ZNF621: variants seen among roughly 807,000 people sequenced by gnomAD.
The protein encoded by ZNF621 is zinc finger protein 621.
Under a neutral mutation model 12.7 loss-of-function variants are expected in ZNF621, and 6 were observed. The ratio of observed to expected loss-of-function variants is 0.47; its 90% CI spans 0.26 to 0.93. The LOEUF (loss-of-function observed/expected upper bound fraction) is 0.93. Ranked by LOEUF, ZNF621 falls within the 40% of genes least tolerant of loss-of-function variation. ZNF621 has a pLI of 0.15. For missense variants in ZNF621, 474 were observed against 524.0 expected, an observed-to-expected ratio of 0.90 and a Z score of 0.93; for synonymous variants, 156 against 190.3, an observed-to-expected ratio of 0.82 and a Z score of 1.48.
At position 40,532,112 on chromosome 3, in the gene ZNF621, A is replaced by T; in HGVS notation, c.342A>T (p.Val114=). Residue 114 remains valine, a synonymous_variant, in exon 5 of 5, where the codon GTA becomes GTT. Coordinates refer to ENST00000339296, the MANE Select transcript of ZNF621 (RefSeq NM_198484.5). ...AAACAGAGTTGCACAGAATGCCAGT[A>T]GGAGGACTTCTCAGGAACGTTTCTC... ...SEETELHRMP[V]GGLLRNVSQH... 6.2e-7 allele frequency: 1 copy of T among 1,614,198 alleles called. No homozygotes were observed. Among genetic ancestry groups the T allele is most frequent in the South Asian group, 1.1e-5 (1 of 91,088 alleles).
intron 2 of ZNF621, among the ~76,000 whole-genome samples, chr3:40,527,719 G>A (rs1698619625): frequency 6.6e-6 from 1 of 152,172 alleles, no homozygotes; most frequent in Non-Finnish European, 1.5e-5. Flanking sequence ...TATCAGCACA[G>A]TAAAATGTCA....
chr3:40,533,895 A>C lies in ZNF621; in HGVS notation c.*805A>C, dbSNP rs1048606187. On this transcript the variant is annotated 3_prime_UTR_variant, in exon 5 of 5. Coordinates refer to ENST00000339296, the MANE Select transcript of ZNF621 (RefSeq NM_198484.5). ...CTTGGCACAGATCTTTGAGAATCTCATACATCTGTGAAAAAGATAATGTGA... is the reference window on the plus strand; with the variant it reads ...CTTGGCACAGATCTTTGAGAATCTCCTACATCTGTGAAAAAGATAATGTGA... 2 of 152,596 alleles carry C rather than the reference A, an allele frequency of 1.3e-5. No individual in the cohort carries two copies. The highest frequency in any genetic ancestry group is 4.8e-5 in the African/African-American group (2 of 41,432). The allele number at this position is 152,596 out of a possible 1,614,324, so 9.5% of individuals were successfully genotyped here.
chr3:40,527,933 A>T (rs887876551), intron 2 of ZNF621, among the ~76,000 whole-genome samples: 3 of 152,126 alleles, frequency 2.0e-5, no homozygotes, highest in African/African-American at 7.2e-5. Flanking sequence ...ACCACAAAAC[A>T]CACAACCTTC....
chr3:40,532,866 C>A lies in ZNF621; in HGVS notation c.1096C>A (p.Pro366Thr). Residue 366 changes from proline to threonine, a missense_variant, in exon 5 of 5, where the codon CCT becomes ACT. Coordinates refer to ENST00000339296, the MANE Select transcript of ZNF621 (RefSeq NM_198484.5). ...VSPQCSSPAI[P>T]PVLLQGSCSA... Reference sequence around the variant, plus strand: ...TCCCCAGTGCTCCTCTCCAGCCATACCTCCTGTTCTTCTCCAGGGATCCTG... The same window carrying A: ...TCCCCAGTGCTCCTCTCCAGCCATAACTCCTGTTCTTCTCCAGGGATCCTG... 6.2e-7 allele frequency: 1 copy of A among 1,611,414 alleles called. No homozygotes were observed. The highest frequency in any genetic ancestry group is 8.5e-7 in the Non-Finnish European group (1 of 1,178,632).
rs767409123 is a variant in ZNF621, at chr3:40,538,998, G to A, written c.*5908G>A. On this transcript the variant is annotated 3_prime_UTR_variant, in exon 5 of 5. Coordinates refer to ENST00000339296, the MANE Select transcript of ZNF621 (RefSeq NM_198484.5). ...AATTGCTGCAATCTCATGATAAAAC[G>A]TGAACAAATGAGGAGTTGCTTCTAA... 35 of 152,652 alleles carry A rather than the reference G, an allele frequency of 2.3e-4. No individual in the cohort carries two copies. Among genetic ancestry groups the A allele is most frequent in the Non-Finnish European group, 4.7e-4 (32 of 68,264 alleles). The allele number at this position is 152,652 out of a possible 1,614,324, so 9.5% of individuals were successfully genotyped here.
rs376371090 is a variant in ZNF621, at chr3:40,532,694, G to A, written c.924G>A (p.Gln308=). 2.9e-5 allele frequency: 47 copies of A among 1,614,054 alleles called. No individual in the cohort carries two copies. In the African/African-American group the frequency reaches 5.2e-4, roughly 18 times the overall value. The change falls in exon 5 of 5, where the codon CAG becomes CAA. Residue 308 remains glutamine, a synonymous_variant. Transcript: ENST00000339296. Reference sequence around the variant, plus strand: ...TCACCCAGAAAATAGCCTCCATTCAGCATCAGAGAGTTCACACTGGGGAGA... The same window carrying A: ...TCACCCAGAAAATAGCCTCCATTCAACATCAGAGAGTTCACACTGGGGAGA... ...KAFTQKIASI[Q]HQRVHTGEKP...
At chr3:40,523,874 A>T (rs888988537), upstream of ZNF621, among the ~76,000 whole-genome samples, 1 of 151,928 alleles carries the variant, frequency 6.6e-6, no homozygotes, top group Admixed American at 6.5e-5. Flanking sequence ...GGAAGGGCAC[A>T]GTAGTGAGGT....
upstream of ZNF621, among the ~76,000 whole-genome samples, chr3:40,524,502 G>A (rs1436934833): frequency 1.3e-5 from 2 of 152,202 alleles, no homozygotes; most frequent in Non-Finnish European, 2.9e-5. Flanking sequence ...GGGCTAAAAC[G>A]GCGAGTGGAA....
In ZNF621 at chr3:40,530,334, G is replaced by A. The variant is rs991797446; in HGVS notation, c.259+18G>A. On this transcript the variant is annotated intron_variant, in intron 4 of 4. Transcript: ENST00000339296. ...CAGTCAAGGTGAGTATGAGAATCCA[G>A]TGGTGAAGTTTCTTGTTTTGCCTTC... is the stretch of plus-strand genomic sequence containing the variant. The A allele has an allele frequency of 6.2e-7, 1 of 1,603,546 alleles. No homozygotes were observed.
At position 40,539,091 on chromosome 3, in the gene ZNF621, T is replaced by A. The variant is rs1323037648; in HGVS notation, c.*6001T>A. On this transcript the variant is annotated 3_prime_UTR_variant, in exon 5 of 5. Transcript: ENST00000339296. ...CTGGTGAAGATCCTGTGACCATTGT[T>A]GAAATGACAACAAAGGACTTAGAAT... 6.2e-6 allele frequency: 1 copy of A among 160,468 alleles called. No individual in the cohort carries two copies. The highest frequency in any genetic ancestry group is 2.4e-5 in the African/African-American group (1 of 41,620). 9.9% of individuals were successfully genotyped at this position (160,468 alleles called of 1,614,324 possible).
chr3:40,525,248 A>C lies in ZNF621; in HGVS notation c.-89A>C, dbSNP rs971197277. The C allele has an allele frequency of 6.5e-6, 1 of 154,686 alleles. No individual in the cohort carries two copies. Among genetic ancestry groups the C allele is most frequent in the Non-Finnish European group, 1.4e-5 (1 of 69,712 alleles). The allele number at this position is 154,686 out of a possible 1,614,324, so 9.6% of individuals were successfully genotyped here. A position where few individuals can be genotyped will look rare whatever the true frequency, so the allele number is the denominator to read the frequency against. ...CTGATCCTCTTTTCTGCCCTAAAGA[A>C]CTTGCCCTGACAGCCTCTGGCTCCC... On this transcript the variant is annotated 5_prime_UTR_variant, in exon 1 of 5. Transcript: ENST00000339296.
intron 3 of ZNF621, among the ~76,000 whole-genome samples, 165 bp from the exon 4 acceptor site, chr3:40,530,044 G>A (rs1698683807): frequency 6.6e-6 from 1 of 152,040 alleles, no homozygotes; most frequent in Non-Finnish European, 1.5e-5. Flanking sequence ...TACCTCCTTG[G>A]CTTTATCGTG....
Position 40,532,711 on chromosome 3 carries a change from C to T in ZNF621, c.941C>T (p.Thr314Ile). 1.9e-6 allele frequency: 3 copies of T among 1,614,174 alleles called. No homozygotes were observed. Among genetic ancestry groups the T allele is most frequent in the Non-Finnish European group, 2.5e-6 (3 of 1,180,022 alleles). ...IASIQHQRVH[T>I]GEKPYECKVC... Reference sequence around the variant, plus strand: ...TCCATTCAGCATCAGAGAGTTCACACTGGGGAGAAGCCTTATGAATGTAAG... The same window carrying T: ...TCCATTCAGCATCAGAGAGTTCACATTGGGGAGAAGCCTTATGAATGTAAG... The change falls in exon 5 of 5, where the codon ACT becomes ATT. Residue 314 changes from threonine (T) to isoleucine (I), a missense_variant. Thr to Ile is a moderately conservative substitution (Grantham distance 89). Transcript: ENST00000339296.
At chr3:40,525,680 G>A (rs1024640477) in intron 1 of ZNF621, 99 bp from the exon 2 acceptor site, 8 of 864,474 alleles carry the variant, frequency 9.3e-6, no homozygotes, top group Non-Finnish European at 1.5e-5. Flanking sequence ...TAGAATCTCC[G>A]TGCATCCAGT....
At chr3:40,523,366 T>G (rs1253118625), upstream of ZNF621, among the ~76,000 whole-genome samples, 1 of 152,232 alleles carries the variant, frequency 6.6e-6, no homozygotes, top group African/African-American at 2.4e-5. Flanking sequence ...TTTTATCTTT[T>G]AGTGGTGGGA....
chr3:40,523,504 C>G (rs1314226498), upstream of ZNF621, among the ~76,000 whole-genome samples: 1 of 152,186 alleles, frequency 6.6e-6, no homozygotes, highest in African/African-American at 2.4e-5. Flanking sequence ...GTGGCTCACG[C>G]CTGTAATCCC....
In ZNF621 at chr3:40,533,087, A is replaced by G. The variant is rs1698778039; in HGVS notation, c.1317A>G (p.Ser439=). 2 of 1,550,646 alleles carry G rather than the reference A, an allele frequency of 1.3e-6. No individual in the cohort carries two copies. The highest frequency in any genetic ancestry group is 1.7e-6 in the Non-Finnish European group (2 of 1,146,242). Residue 439 remains serine (S), a synonymous_variant, in exon 5 of 5, where the codon TCA becomes TCG. Transcript: ENST00000339296. The part of the protein sequence containing the change: ...PVILTPSSHS[S] ...TTCTCACCCCTTCTTCTCACTCCTC[A>G]TGAGCTTTATCTTGGCAGTCTTACG... is the stretch of plus-strand genomic sequence containing the variant.
chr3:40,527,301 G>A (rs576736811), intron 2 of ZNF621, among the ~76,000 whole-genome samples: 1 of 152,026 alleles, frequency 6.6e-6, no homozygotes, highest in South Asian at 2.1e-4. Context: ...ACAGGCGTGA[G>A]CCACTGTGCC....
intron 2 of ZNF621, among the ~76,000 whole-genome samples, chr3:40,528,330 G>A (rs1021283040): frequency 2.6e-5 from 4 of 152,030 alleles, no homozygotes; most frequent in South Asian, 2.1e-4. Flanking sequence ...TTGATAGATC[G>A]TTTTGTTTTA....
Sources: allele counts gnomAD v4.1 joint callset (sites outside exome capture counted in the v4.1 genomes callset), GRCh38; gene constraint gnomAD v4.1.1; transcripts MANE v1.5; gene names NCBI Gene and HGNC (gene_info 2026-07-23, HGNC 2026-07-21).